The following RANBP2 variants were observed in gnomAD, a reference collection of about 807,000 sequenced individuals.
The protein encoded by RANBP2 is RAN binding protein 2.
In RANBP2, 57 loss-of-function variants were observed where a neutral mutation model predicts 303.6. That is an observed-to-expected ratio of 0.19 (90% confidence interval 0.15 to 0.23). The LOEUF is 0.23. Ranked by LOEUF, RANBP2 falls within the 10% of genes least tolerant of loss-of-function variation. The pLI is 1.00. For synonymous variants in RANBP2, 1,167 were observed against 1,301.5 expected (o/e 0.90, Z 2.23); for missense variants, 3,138 against 3,780.8 (o/e 0.83, Z 4.46).
the RANBP2 span, among the ~76,000 whole-genome samples, chr2:109,249,497 C>CTT: frequency 0.025 from 786 of 31,664 alleles, 11 homozygotes; most frequent in African/African-American, 0.085. Flanking sequence ...TTCTTTCTTT[C>CTT]TTTCTTTCTT....
At chr2:109,671,237 G>T in the RANBP2 span, among the ~76,000 whole-genome samples, 3 of 151,852 alleles carry the variant, frequency 2.0e-5, no homozygotes, top group Non-Finnish European at 2.9e-5. Flanking sequence ...GCTGTGAGTT[G>T]GTGGTGGTGA....
the RANBP2 span, among the ~76,000 whole-genome samples, chr2:109,597,792 G>T: frequency 6.6e-6 from 1 of 152,194 alleles, no homozygotes; most frequent in Non-Finnish European, 1.5e-5. Flanking sequence ...CTGGAGGAAA[G>T]TCTGGTGCTG....
chr2:108,928,387 TGA>T, the RANBP2 span, among the ~76,000 whole-genome samples: 1 of 152,320 alleles, frequency 6.6e-6, no homozygotes, highest in South Asian at 2.1e-4. Context: ...TAGGACACTC[TGA>T]GTGTGCCTTA....
At chr2:109,667,313 C>A in the RANBP2 span, 1 of 617,590 alleles carries the variant, frequency 1.6e-6, no homozygotes, top group Non-Finnish European at 3.0e-6. Context: ...GGCCAATTGA[C>A]TGCCATTTAG....
At chr2:109,057,412 T>C in the RANBP2 span, among the ~76,000 whole-genome samples, 1 of 152,256 alleles carries the variant, frequency 6.6e-6, no homozygotes, top group East Asian at 1.9e-4. Context: ...GACAGCTCTG[T>C]CCTTGACTCT....
At chr2:109,653,467 T>C in the RANBP2 span, among the ~76,000 whole-genome samples, 1 of 151,896 alleles carries the variant, frequency 6.6e-6, no homozygotes, top group Admixed American at 6.5e-5. Flanking sequence ...CAGCCCCTTG[T>C]CTGCTGGCAG....
the RANBP2 span, among the ~76,000 whole-genome samples, chr2:109,602,680 T>TAAAA: frequency 1.1e-5 from 1 of 95,084 alleles, no homozygotes; most frequent in Non-Finnish European, 2.2e-5. Flanking sequence ...CATCTCAAAT[T>TAAAA]AAAAAAAAAA....
At chr2:108,798,662 G>A in the RANBP2 span, 8 of 1,166,012 alleles carry the variant, frequency 6.9e-6, no homozygotes, top group Non-Finnish European at 9.8e-6. Flanking sequence ...CTAACATTTT[G>A]TCACATTTGC....
chr2:108,911,281 C>T, the RANBP2 span, among the ~76,000 whole-genome samples: 1 of 152,112 alleles, frequency 6.6e-6, no homozygotes, highest in African/African-American at 2.4e-5. Context: ...CTGCTCGCTG[C>T]CCTCAGACTG....
At chr2:108,888,979 A>C in the RANBP2 span, among the ~76,000 whole-genome samples, 1 of 151,708 alleles carries the variant, frequency 6.6e-6, no homozygotes, top group African/African-American at 2.4e-5. Flanking sequence ...GTTGTACCCC[A>C]TCAGTTTTGC....
At chr2:109,489,887 G>A in the RANBP2 span, among the ~76,000 whole-genome samples, 1 of 152,138 alleles carries the variant, frequency 6.6e-6, no homozygotes, top group South Asian at 2.1e-4. Context: ...ACAGGCAAGT[G>A]CCACCACACT....
chr2:109,523,670 C>T, the RANBP2 span, among the ~76,000 whole-genome samples: 1 of 152,136 alleles, frequency 6.6e-6, no homozygotes, highest in African/African-American at 2.4e-5. Flanking sequence ...GCTGCTGGCA[C>T]CTCGCCCAGC....
the RANBP2 span, among the ~76,000 whole-genome samples, chr2:108,930,662 C>A: frequency 6.6e-6 from 1 of 152,134 alleles, no homozygotes; most frequent in Non-Finnish European, 1.5e-5. Flanking sequence ...CTTAGCTGCG[C>A]GGCCCCCAAG....
At chr2:109,741,807 T>A in the RANBP2 span, among the ~76,000 whole-genome samples, 2 of 146,330 alleles carry the variant, frequency 1.4e-5, no homozygotes, top group Non-Finnish European at 1.5e-5. Context: ...ACAAAGGAAA[T>A]GTATCCCCTC....
the RANBP2 span, among the ~76,000 whole-genome samples, chr2:108,795,879 G>C: frequency 1.3e-5 from 2 of 152,108 alleles, no homozygotes; most frequent in Non-Finnish European, 2.9e-5. Flanking sequence ...GAATGTCAGA[G>C]TAAAAAGTCA....
the RANBP2 span, among the ~76,000 whole-genome samples, chr2:109,170,641 T>C: frequency 6.6e-6 from 1 of 152,172 alleles, no homozygotes; most frequent in Non-Finnish European, 1.5e-5. Context: ...CGAGCCACTG[T>C]GCCTGGTCAA....
At chr2:108,863,337 T>G in the RANBP2 span, among the ~76,000 whole-genome samples, 6,761 of 152,318 alleles carry the variant, frequency 0.044, 217 homozygotes, top group Non-Finnish European at 0.07. Context: ...AAAAATTCCC[T>G]TTAGGAAATA....
At chr2:108,911,553 G>A in the RANBP2 span, among the ~76,000 whole-genome samples, 1 of 152,186 alleles carries the variant, frequency 6.6e-6, no homozygotes, top group Non-Finnish European at 1.5e-5. Context: ...GAGCCCCAGG[G>A]CACAGGGGGT....
intron 9 of RANBP2, 37 bp from the exon 10 acceptor site, chr2:108,751,227 T>C (rs756380785): frequency 2.5e-6 from 4 of 1,611,848 alleles, no homozygotes; most frequent in Non-Finnish European, 3.4e-6. Flanking sequence ...AAGGAAAAAT[T>C]TCAAACCCTT....
Sources: allele counts gnomAD v4.1 joint callset (sites outside exome capture counted in the v4.1 genomes callset), GRCh38; gene constraint gnomAD v4.1.1; transcripts MANE v1.5; gene names NCBI Gene and HGNC (gene_info 2026-07-23, HGNC 2026-07-21).